Variants in INSR observed in about 807,000 individuals in gnomAD.
The protein encoded by INSR is IR.
Under a neutral mutation model 142.6 loss-of-function variants are expected in INSR, and 67 were observed. The observed-to-expected ratio is 0.47, with a 90% CI of 0.39 to 0.58. The LOEUF (loss-of-function observed/expected upper bound fraction) is 0.58. INSR is among the 20% of genes least tolerant of loss of function. The pLI is 0.00. For synonymous variants in INSR, 756 were observed against 743.1 expected, an observed-to-expected ratio of 1.02 and a Z score of -0.28; for missense variants, 1,248 against 1,833.2, an observed-to-expected ratio of 0.68 and a Z score of 5.83.
Position 7,294,348 on chromosome 19 carries a change from G to C in INSR, c.-457C>G, listed in dbSNP as rs183525843. Among the ~76,000 whole-genome samples, 4,416 of 151,688 alleles carry C rather than the reference G, an allele frequency of 0.029. 205 individuals are homozygous for C. Among genetic ancestry groups the C allele is most frequent in the African/African-American group, 0.099 (4,083 of 41,416 alleles). On this transcript the variant is annotated 5_prime_UTR_variant, in exon 1 of 22. Coordinates refer to ENST00000302850, the MANE Select transcript of INSR (RefSeq NM_000208.4). ...GGGCGGCGGGAGAGAGGGCTGCTCG[G>C]GCCCGTAAACAACGCGGCCCGTCAG...
intron 9 of INSR, among the ~76,000 whole-genome samples, chr19:7,154,248 A>G (rs1973526449): frequency 2.0e-5 from 3 of 151,318 alleles, no homozygotes; most frequent in Admixed American, 2.0e-4. Flanking sequence ...AGTTTAGTGC[A>G]TAAGTAATTG....
chr19:7,155,354 T>G (rs1013127721), intron 9 of INSR, among the ~76,000 whole-genome samples: 37 of 151,244 alleles, frequency 2.4e-4, no homozygotes, highest in African/African-American at 8.8e-4. Context: ...GGCCAACATA[T>G]AGTGAAACGC....
chr19:7,158,321 A>T (rs1356106431), intron 9 of INSR, among the ~76,000 whole-genome samples: 1 of 150,952 alleles, frequency 6.6e-6, no homozygotes, highest in African/African-American at 2.5e-5. Context: ...TAACATGGTG[A>T]AACCCCGTCT....
At chr19:7,153,308 A>ACAC (rs1973474767) in intron 9 of INSR, among the ~76,000 whole-genome samples, 7 of 88,272 alleles carry the variant, frequency 7.9e-5, no homozygotes, top group East Asian at 2.8e-4. Flanking sequence ...CACACCACAC[A>ACAC]AATCACACAC....
chr19:7,194,444 C>A (rs189231288), intron 2 of INSR, among the ~76,000 whole-genome samples: 4 of 150,338 alleles, frequency 2.7e-5, no homozygotes. Context: ...TTATCTTTGC[C>A]TTATTACAAA....
chr19:7,240,672 C>G (rs1442370626), intron 2 of INSR, among the ~76,000 whole-genome samples: 1 of 152,094 alleles, frequency 6.6e-6, no homozygotes, highest in African/African-American at 2.4e-5. Context: ...AATCCAAAAT[C>G]CTAAATGCTC....
At chr19:7,212,314 G>A (rs555180619) in intron 2 of INSR, among the ~76,000 whole-genome samples, 2 of 152,168 alleles carry the variant, frequency 1.3e-5, no homozygotes, top group Admixed American at 1.3e-4. Flanking sequence ...TATAGCTTTG[G>A]GGGCTCCAGC....
intron 13 of INSR, among the ~76,000 whole-genome samples, chr19:7,136,849 T>TATATATATATATATATATATATATATATA (rs1568437888): frequency 7.9e-6 from 1 of 126,044 alleles, no homozygotes; most frequent in African/African-American, 3.8e-5. Context: ...ATATATATAT[T>TATATATATATATATATATATATATATATA]GAGATGGTGT....
At position 7,184,227 on chromosome 19, in the gene INSR, G is replaced by A. The variant is rs6510959; in HGVS notation, c.974+89C>T. 0.18 allele frequency: 214,244 copies of A among 1,174,158 alleles called. 20,444 individuals carry two copies. The highest frequency in any genetic ancestry group is 0.26 in the African/African-American group (17,161 of 66,230). 72.7% of individuals were successfully genotyped at this position (1,174,158 alleles called of 1,614,324 possible). A position where few individuals can be genotyped will look rare whatever the true frequency, so the allele number is the denominator to read the frequency against. On this transcript the variant is annotated intron_variant, in intron 3 of 21. Coordinates refer to ENST00000302850, the MANE Select transcript of INSR (RefSeq NM_000208.4). The stretch of plus-strand genomic sequence containing the variant: ...CTCATAGCCAATTAACCCTGGGTTT[G>A]CACACAGTTTTAACAAGCGGCATCG...
At chr19:7,226,413 GAAAA>G (rs71177176) in intron 2 of INSR, among the ~76,000 whole-genome samples, 6 of 89,646 alleles carry the variant, frequency 6.7e-5, no homozygotes, top group African/African-American at 1.4e-4. Flanking sequence ...CGTCTCAAGG[GAAAA>G]AAAAAAAAAA....
chr19:7,261,156 GGCAT>G (rs1305272764), intron 2 of INSR, among the ~76,000 whole-genome samples: 1 of 152,066 alleles, frequency 6.6e-6, no homozygotes, highest in Non-Finnish European at 1.5e-5. Flanking sequence ...CCAAAGTGCT[GGCAT>G]TACAAGCATG....
rs1199794181 is a variant in INSR, at chr19:7,114,050, A to G, written c.*3006T>C. On this transcript the variant is annotated 3_prime_UTR_variant, in exon 22 of 22. Coordinates refer to ENST00000302850, the MANE Select transcript of INSR (RefSeq NM_000208.4). ...ACAGAGGTCCAAGGTGTTGTTGCAA[A>G]AAAAAAAAAAAAAAAAAAAAAAGCG... 1 of 140,382 alleles carries G rather than the reference A, an allele frequency of 7.1e-6. No homozygotes were observed. The highest frequency in any genetic ancestry group is 2.0e-4 in the East Asian group (1 of 4,900). 8.7% of individuals were successfully genotyped at this position (140,382 alleles called of 1,614,324 possible). A position where few individuals can be genotyped will look rare whatever the true frequency, so the allele number is the denominator to read the frequency against.
chr19:7,263,084 C>G (rs1298077457), intron 2 of INSR, among the ~76,000 whole-genome samples: 1 of 152,100 alleles, frequency 6.6e-6, no homozygotes, highest in Non-Finnish European at 1.5e-5. Flanking sequence ...TTGAGACCAT[C>G]CTGGCCAACA....
At chr19:7,169,618 A>G (rs1284650459) in intron 6 of INSR, among the ~76,000 whole-genome samples, 1 of 150,032 alleles carries the variant, frequency 6.7e-6, no homozygotes, top group East Asian at 1.9e-4. Flanking sequence ...CCTCTGTTTC[A>G]TATTTTATGA....
At chr19:7,151,149 CCTTTCTTTCTTTCTCTTTCTTTCTTT>C (rs201723617) in intron 10 of INSR, among the ~76,000 whole-genome samples, 2,385 of 138,246 alleles carry the variant, frequency 0.017, 41 homozygotes, top group East Asian at 0.044. Context: ...TTCTCTCTTT[CCTTTCTTTCTTTCTCTTTCTTTCTTT>C]CTTTCTTTCT....
rs1485112755 is a variant in INSR, at chr19:7,114,862, A to G, written c.*2194T>C. 2.0e-5 allele frequency: 3 copies of G among 152,192 alleles called. No individual in the cohort carries two copies. The highest frequency in any genetic ancestry group is 2.9e-5 in the Non-Finnish European group (2 of 68,046). The allele number at this position is 152,192 out of a possible 1,614,324, so 9.4% of individuals were successfully genotyped here. A position where few individuals can be genotyped will look rare whatever the true frequency, so the allele number is the denominator to read the frequency against. ...AAAATTGCAGCTAGTGTAGTATACAACCACTACAAATTTACTAAGAAGAGA... is the reference window on the plus strand; with the variant it reads ...AAAATTGCAGCTAGTGTAGTATACAGCCACTACAAATTTACTAAGAAGAGA... On this transcript the variant is annotated 3_prime_UTR_variant, in exon 22 of 22. Coordinates refer to ENST00000302850, the MANE Select transcript of INSR (RefSeq NM_000208.4).
intron 2 of INSR, among the ~76,000 whole-genome samples, chr19:7,199,748 C>A (rs779993830): frequency 1.3e-5 from 2 of 150,958 alleles, no homozygotes; most frequent in Non-Finnish European, 3.0e-5. Flanking sequence ...CCTACCTCGA[C>A]CCACCCAGAT....
intron 2 of INSR, among the ~76,000 whole-genome samples, chr19:7,242,048 A>C (rs1254978175): frequency 6.6e-6 from 1 of 151,642 alleles, no homozygotes; most frequent in African/African-American, 2.4e-5. Context: ...GCTGCTTAGG[A>C]GGCTGAGGCA....
chr19:7,266,916 TA>T (rs975209589), intron 2 of INSR, among the ~76,000 whole-genome samples: 12 of 152,230 alleles, frequency 7.9e-5, no homozygotes, highest in South Asian at 4.1e-4. Context: ...ACTATTTTTT[TA>T]AAAAAACCGA....
Sources: allele counts gnomAD v4.1 joint callset (sites outside exome capture counted in the v4.1 genomes callset), GRCh38; gene constraint gnomAD v4.1.1; transcripts MANE v1.5; gene names NCBI Gene and HGNC (gene_info 2026-07-23, HGNC 2026-07-21).